Variants in ZDHHC7 observed in about 807,000 individuals in gnomAD.
ZDHHC7 encodes the protein zDHHC palmitoyltransferase 7.
Under a neutral mutation model 34.1 loss-of-function variants are expected in ZDHHC7, and 12 were observed. That is an observed-to-expected ratio of 0.35 (90% confidence interval 0.23 to 0.57). ZDHHC7 has a LOEUF of 0.57. Ranked by LOEUF, ZDHHC7 falls within the 20% of genes least tolerant of loss-of-function variation. The pLI, the probability that ZDHHC7 is intolerant of heterozygous loss-of-function variation, is 0.84. For synonymous variants in ZDHHC7, 185 were observed against 155.4 expected, an observed-to-expected ratio of 1.19 and a Z score of -1.42; for missense variants, 388 against 402.7, an observed-to-expected ratio of 0.96 and a Z score of 0.31.
At chr16:85,002,004 A>G (rs1377783516) in intron 1 of ZDHHC7, among the ~76,000 whole-genome samples, 2 of 152,124 alleles carry the variant, frequency 1.3e-5, no homozygotes, top group African/African-American at 2.4e-5. Flanking sequence ...CACACACACA[A>G]TCATGGGGAC....
At chr16:84,995,349 G>A (rs748224549) in intron 2 of ZDHHC7, among the ~76,000 whole-genome samples, 1 of 152,236 alleles carries the variant, frequency 6.6e-6, no homozygotes, top group Non-Finnish European at 1.5e-5. Context: ...TTTCAGGCCG[G>A]GCACAGTGGC....
In ZDHHC7 at chr16:84,979,087, G is replaced by A. The variant is rs1015986225; in HGVS notation, c.537+102C>T. 3 of 1,157,088 alleles carry A rather than the reference G, an allele frequency of 2.6e-6. No homozygotes were observed. In the Admixed American group the frequency reaches 9.3e-5, roughly 36 times the overall value. 71.7% of individuals were successfully genotyped at this position (1,157,088 alleles called of 1,614,324 possible). A position where few individuals can be genotyped will look rare whatever the true frequency, so the allele number is the denominator to read the frequency against. On this transcript the variant is annotated intron_variant, in intron 5 of 7. Coordinates refer to ENST00000313732, the MANE Select transcript of ZDHHC7 (RefSeq NM_017740.3). ...TTTGAATCCTGGAGAAAAGGCTGGA[G>A]AGAAACTGGCCTGACGTTAGTAGAT...
At chr16:85,003,815 G>A (rs2072682349) in intron 1 of ZDHHC7, among the ~76,000 whole-genome samples, 1 of 152,128 alleles carries the variant, frequency 6.6e-6, no homozygotes, top group African/African-American at 2.4e-5. Flanking sequence ...ACAATGAACC[G>A]TGGAAGTGGG....
intron 4 of ZDHHC7, among the ~76,000 whole-genome samples, chr16:84,980,333 A>T (rs1287576526): frequency 6.6e-6 from 1 of 151,968 alleles, no homozygotes; most frequent in East Asian, 1.9e-4. Context: ...CTGACTTCCA[A>T]AACATTCCCA....
chr16:84,988,856 G>A (rs1175036169), intron 3 of ZDHHC7: 2 of 1,551,674 alleles, frequency 1.3e-6, no homozygotes, highest in Non-Finnish European at 1.7e-6. Flanking sequence ...CAGATGGTCG[G>A]CAGTCACTGG....
chr16:84,997,267 CTTTTTTTT>C (rs34612029), intron 1 of ZDHHC7, among the ~76,000 whole-genome samples: 4 of 111,312 alleles, frequency 3.6e-5, no homozygotes, highest in Non-Finnish European at 6.9e-5. Flanking sequence ...CTAAATTTTC[CTTTTTTTT>C]TTTTTTTTTT....
the ZDHHC7 span, among the ~76,000 whole-genome samples, chr16:85,021,745 G>C: frequency 6.6e-6 from 1 of 150,710 alleles, no homozygotes; most frequent in Non-Finnish European, 1.5e-5. Flanking sequence ...GAGAGAAAGA[G>C]AACAAGAGAG....
At chr16:85,025,974 T>G in the ZDHHC7 span, among the ~76,000 whole-genome samples, 13 of 152,344 alleles carry the variant, frequency 8.5e-5, no homozygotes, top group South Asian at 2.7e-3. Context: ...TTCACTGATC[T>G]GTGGTTTGCA....
At chr16:85,011,074 G>T (rs998271443) in intron 1 of ZDHHC7, among the ~76,000 whole-genome samples, 4 of 152,236 alleles carry the variant, frequency 2.6e-5, no homozygotes, top group Non-Finnish European at 5.9e-5. Context: ...GCCCTATCCC[G>T]AGAGAGCAAC....
At chr16:85,005,751 C>G (rs1034391504) in intron 1 of ZDHHC7, among the ~76,000 whole-genome samples, 12 of 152,230 alleles carry the variant, frequency 7.9e-5, no homozygotes, top group Admixed American at 7.2e-4. Flanking sequence ...CCCCTCCTCA[C>G]GCAGTGCTGC....
rs138829713 is a variant in ZDHHC7 at position 84,976,424 on chromosome 16, G to C, written c.846C>G (p.Leu282=). The C allele has an allele frequency of 5.8e-4, 941 of 1,614,192 alleles. 5 individuals are homozygous for C. In the African/African-American group the frequency reaches 0.011, roughly 18 times the overall value. ...GGAAGCCCACAAAGGGATTCATCCA[G>C]AGGAGTGAGGGGGGCCCCCCAAAGA... ...KSVFGGPPSL[L]WMNPFVGFRF... The change falls in exon 8 of 8, where the codon CTC becomes CTG. Residue 282 remains leucine (L), a synonymous_variant. Coordinates refer to ENST00000313732, the MANE Select transcript of ZDHHC7 (RefSeq NM_017740.3).
chr16:84,990,241 G>A, intron 3 of ZDHHC7, 63 bp downstream of exon 3: 1 of 1,560,842 alleles, frequency 6.4e-7, no homozygotes, highest in South Asian at 1.2e-5. Context: ...CAAAGGGTCA[G>A]CCACACCCGA....
At chr16:85,026,591 C>G in the ZDHHC7 span, among the ~76,000 whole-genome samples, 5 of 151,350 alleles carry the variant, frequency 3.3e-5, no homozygotes, top group Admixed American at 6.6e-5. Context: ...AAGTCTACAT[C>G]TTTCCAAGGA....
At chr16:85,002,207 A>ATGCCTGTGGCTCCTCCTGCTGG (rs1480596071) in intron 1 of ZDHHC7, among the ~76,000 whole-genome samples, 1 of 152,202 alleles carries the variant, frequency 6.6e-6, no homozygotes, top group African/African-American at 2.4e-5. Flanking sequence ...AGTCCGAGGA[A>ATGCCTGTGGCTCCTCCTGCTGG]TGCCTGTGGC....
the ZDHHC7 span, among the ~76,000 whole-genome samples, chr16:85,025,425 G>C: frequency 1.7e-4 from 24 of 141,796 alleles, no homozygotes; most frequent in African/African-American, 5.2e-4. Context: ...TTTTTTGGGG[G>C]GGGGGACTAA....
chr16:85,005,141 A>G (rs1411331946), intron 1 of ZDHHC7: 1 of 152,162 alleles, frequency 6.6e-6, no homozygotes, highest in Admixed American at 6.5e-5. Flanking sequence ...AAATCCAGAA[A>G]TAAAAAGAAC....
chr16:85,010,715 C>A (rs557731552), intron 1 of ZDHHC7, among the ~76,000 whole-genome samples: 1 of 152,198 alleles, frequency 6.6e-6, no homozygotes, highest in Non-Finnish European at 1.5e-5. Flanking sequence ...GTAGAAGGAA[C>A]CACACCAGGA....
chr16:84,985,331 C>T (rs1469954290), intron 3 of ZDHHC7, among the ~76,000 whole-genome samples: 13 of 152,248 alleles, frequency 8.5e-5, no homozygotes, highest in Non-Finnish European at 1.3e-4. Flanking sequence ...AGCATGCTTC[C>T]GGTCCTCTCT....
chr16:85,003,378 G>C (rs2072677311), intron 1 of ZDHHC7, among the ~76,000 whole-genome samples: 1 of 152,208 alleles, frequency 6.6e-6, no homozygotes, highest in Admixed American at 6.5e-5. Context: ...GAAGGCTACA[G>C]AGGGAGCTCA....
Sources: gnomAD v4.1 joint callset for allele counts (sites outside exome capture counted in the v4.1 genomes callset) on GRCh38, gnomAD v4.1.1 for gene constraint, MANE v1.5 for transcripts, NCBI Gene and HGNC (gene_info 2026-07-23, HGNC 2026-07-21) for gene names.